DMD: variants seen among roughly 807,000 people sequenced by gnomAD.
DMD encodes the protein mutant dystrophin.
In DMD, 63 loss-of-function variants were observed where a neutral mutation model predicts 330.1. The observed-to-expected ratio is 0.19, with a 90% CI of 0.16 to 0.24. The LOEUF (loss-of-function observed/expected upper bound fraction) is 0.24. DMD is among the 10% of genes least tolerant of loss of function. The pLI, the probability that DMD is intolerant of heterozygous loss-of-function variation, is 1.00. For missense variants in DMD, 3,344 were observed against 2,684.1 expected, an observed-to-expected ratio of 1.25 and a Z score of -5.43; for synonymous variants, 1,223 against 959.8, an observed-to-expected ratio of 1.27 and a Z score of -5.07.
chrX:32,412,856 G>C (rs775510209), intron 29 of DMD, among the ~76,000 whole-genome samples: 1 of 110,835 alleles, frequency 9.0e-6, no homozygotes, highest in South Asian at 3.8e-4. Flanking sequence ...ATTATATATA[G>C]AATATTAGAT....
chrX:31,304,646 G>T (rs1042257678), intron 62 of DMD, among the ~76,000 whole-genome samples: 16 of 107,526 alleles, frequency 1.5e-4, no homozygotes, highest in African/African-American at 5.4e-4. Flanking sequence ...ATTTACAATA[G>T]CTGGTACAAT....
At chrX:32,132,037 T>A (rs745541682) in intron 44 of DMD, among the ~76,000 whole-genome samples, 33 of 112,208 alleles carry the variant, frequency 2.9e-4, no homozygotes, top group Non-Finnish European at 5.1e-4. Context: ...GAAGGTCCCA[T>A]CATTGTTATT....
chrX:33,056,669 C>T (rs967244758), intron 1 of DMD, among the ~76,000 whole-genome samples: 3 of 111,183 alleles, frequency 2.7e-5, no homozygotes, highest in African/African-American at 6.5e-5. Context: ...GGCCCCCCTG[C>T]GCTTTTTATA....
intron 49 of DMD, among the ~76,000 whole-genome samples, chrX:31,821,678 A>C (rs1315852885): frequency 8.9e-6 from 1 of 112,393 alleles, no homozygotes; most frequent in African/African-American, 3.2e-5. Context: ...ACAAGCAGCA[A>C]TACCTTACCA....
chrX:32,198,552 G>A (rs767471944), intron 44 of DMD, among the ~76,000 whole-genome samples: 7 of 111,823 alleles, frequency 6.3e-5, no homozygotes, highest in Admixed American at 2.9e-4. Flanking sequence ...GGGTATCAAC[G>A]AGTTTAGTAT....
intron 2 of DMD, among the ~76,000 whole-genome samples, chrX:32,946,764 G>T (rs1249545327): frequency 9.0e-6 from 1 of 111,335 alleles, no homozygotes; most frequent in Non-Finnish European, 1.9e-5. Context: ...TTGTATGGGA[G>T]CTGCTATATT....
At chrX:32,013,284 A>C (rs895746306) in intron 44 of DMD, among the ~76,000 whole-genome samples, 2 of 108,767 alleles carry the variant, frequency 1.8e-5, no homozygotes, top group Admixed American at 9.8e-5. Flanking sequence ...ATAGAGTTTC[A>C]CCATGTTGGC....
chrX:32,726,393 C>T (rs1235371949), intron 7 of DMD, among the ~76,000 whole-genome samples: 1 of 111,424 alleles, frequency 9.0e-6, no homozygotes, highest in African/African-American at 3.3e-5. Flanking sequence ...GGCCTTGTGT[C>T]AGTTTAAAGT....
At chrX:32,122,224 C>A (rs2146782491) in intron 44 of DMD, among the ~76,000 whole-genome samples, 1 of 111,878 alleles carries the variant, frequency 8.9e-6, no homozygotes, top group South Asian at 3.7e-4. Flanking sequence ...CAGTGGTTTT[C>A]AAAGCACGAT....
intron 9 of DMD, among the ~76,000 whole-genome samples, chrX:32,667,880 C>T (rs2061408370): frequency 9.2e-6 from 1 of 109,144 alleles, no homozygotes; most frequent in African/African-American, 3.4e-5. Flanking sequence ...TGGCTCATGC[C>T]TGTAATCCCA....
chrX:32,243,497 T>C (rs745766452), intron 43 of DMD, among the ~76,000 whole-genome samples: 26 of 112,089 alleles, frequency 2.3e-4, no homozygotes, highest in South Asian at 1.1e-3. Flanking sequence ...TATTTGAATA[T>C]TCCCAGTATG....
Position 32,484,903 on chromosome X carries a change from T to TA in DMD, c.2803+15dup, listed in dbSNP as rs749106259. The TA allele has an allele frequency of 9.9e-6, 12 of 1,208,691 alleles. No homozygotes were observed. In the South Asian group the frequency reaches 1.8e-4, roughly 18 times the overall value. On this transcript the variant is annotated intron_variant, in intron 21 of 78. Coordinates refer to ENST00000357033, the MANE Select transcript of DMD (RefSeq NM_004006.3). ...TTGGAAAATGTCAAGTTAGCCATTT[T>TA]AGGCTTTTTACTTACTTGTCTGTAG...
intron 62 of DMD, among the ~76,000 whole-genome samples, chrX:31,309,297 A>G (rs2055291940): frequency 1.8e-5 from 2 of 111,783 alleles, no homozygotes; most frequent in African/African-American, 6.5e-5. Flanking sequence ...CTTAGCTGGG[A>G]CGTTATAGAG....
rs375998316 is a variant in DMD at position 32,694,876 on chromosome X, G to A, written c.960+2994C>T. ...TTACCATGTTGGTTCGGTTGGTCTC[G>A]AACTCTGACCTCAGGTGATCCACCC... On this transcript the variant is annotated intron_variant, in intron 9 of 78. Transcript: ENST00000357033. Among the ~76,000 whole-genome samples, 23 of 111,314 alleles carry A rather than the reference G, an allele frequency of 2.1e-4. 2 individuals carry two copies. Among genetic ancestry groups the A allele is most frequent in the Admixed American group, 1.7e-3 (18 of 10,463 alleles).
chrX:33,174,179 T>C (rs2148711897), intron 1 of DMD, among the ~76,000 whole-genome samples: 1 of 110,104 alleles, frequency 9.1e-6, no homozygotes, highest in South Asian at 4.0e-4. Flanking sequence ...TCAAAGAGAT[T>C]ACTACCTGTT....
At chrX:32,554,948 AGAGG>A (rs1430692573) in intron 16 of DMD, among the ~76,000 whole-genome samples, 3 of 70,788 alleles carry the variant, frequency 4.2e-5, no homozygotes, top group Admixed American at 1.4e-4. Context: ...AAAGAGAGAG[AGAGG>A]GAGAGAGAAA....
intron 7 of DMD, among the ~76,000 whole-genome samples, chrX:32,775,320 T>C (rs983366333): frequency 7.1e-5 from 8 of 112,510 alleles, no homozygotes; most frequent in Non-Finnish European, 1.1e-4. Context: ...CACTAGGCAG[T>C]GCCCCAGTGA....
At chrX:31,608,321 C>G (rs749327736) in intron 55 of DMD, among the ~76,000 whole-genome samples, 1 of 111,491 alleles carries the variant, frequency 9.0e-6, no homozygotes, top group African/African-American at 3.3e-5. Flanking sequence ...TGTGTATCAT[C>G]TCAAGATTGG....
At chrX:32,232,997 G>T (rs776136008) in intron 43 of DMD, among the ~76,000 whole-genome samples, 1 of 112,358 alleles carries the variant, frequency 8.9e-6, no homozygotes, top group Non-Finnish European at 1.9e-5. Flanking sequence ...TGTATGAAGC[G>T]TATGTGTTTG....
Sources: gnomAD v4.1 joint callset for allele counts (sites outside exome capture counted in the v4.1 genomes callset) on GRCh38, gnomAD v4.1.1 for gene constraint, MANE v1.5 for transcripts, NCBI Gene and HGNC (gene_info 2026-07-23, HGNC 2026-07-21) for gene names.